Variants in TMEM232 observed in about 807,000 individuals in gnomAD.
The protein encoded by TMEM232 is transmembrane protein 232.
Under a neutral mutation model 78.8 loss-of-function variants are expected in TMEM232, and 80 were observed. The observed-to-expected ratio is 1.01, with a 90% CI of 0.85 to 1.22. TMEM232 has a LOEUF of 1.22. Ranked by LOEUF, TMEM232 falls within the 50% of genes most tolerant of loss-of-function variation. The probability of loss-of-function intolerance (pLI) is 0.00; values close to 1 mark genes in which losing one functional copy is unlikely to be tolerated. For synonymous variants in TMEM232, 297 were observed against 254.3 expected (o/e 1.17, Z -1.60); for missense variants, 881 against 742.2 (o/e 1.19, Z -2.17).
rs959536848 is a variant in TMEM232, at chr5:110,667,587, T to G, written c.-12-223A>C. 2.7e-5 allele frequency: 7 copies of G among 262,824 alleles called. No individual in the cohort carries two copies. The East Asian group carries it at 5.9e-4, about 22-fold the overall frequency. The allele number at this position is 262,824 out of a possible 1,614,324, so 16.3% of individuals were successfully genotyped here. On this transcript the variant is annotated intron_variant, in intron 1 of 13. Coordinates refer to ENST00000455884, the MANE Select transcript of TMEM232 (RefSeq NM_001039763.4). The stretch of plus-strand genomic sequence containing the variant: ...AAGTATATATATCCAGTCTTTATTA[T>G]GCTTTAGCAGTTTTATCAGCAAAAC...
chr5:110,556,503 A>G (rs757627445), intron 11 of TMEM232, among the ~76,000 whole-genome samples: 5 of 151,718 alleles, frequency 3.3e-5, no homozygotes, highest in Non-Finnish European at 5.9e-5. Context: ...TCCTCCCACC[A>G]TAGCCTCCTG....
At chr5:110,716,286 G>A (rs894636213) in intron 1 of TMEM232, among the ~76,000 whole-genome samples, 4 of 152,098 alleles carry the variant, frequency 2.6e-5, no homozygotes, top group Admixed American at 6.6e-5. Flanking sequence ...TCCACAGATG[G>A]GGTGGGAGAA....
In TMEM232 at chr5:110,598,453, C is replaced by G. The variant is rs554130048; in HGVS notation, c.1276+6656G>C. Among the ~76,000 whole-genome samples the G allele has an allele frequency of 1.1e-4, 17 of 152,160 alleles. No individual in the cohort carries two copies. In the East Asian group the frequency reaches 2.9e-3, roughly 26 times the overall value. ...TCAACCATTGTGGAAGTCAGTGTGG[C>G]GATTCCTCAGGGATCTAGAACTAGA... On this transcript the variant is annotated intron_variant, in intron 10 of 13. Transcript: ENST00000455884.
intron 11 of TMEM232, among the ~76,000 whole-genome samples, chr5:110,546,265 A>AGATAATTTAGTTAGGAATG (rs1773768749): frequency 6.6e-6 from 1 of 152,134 alleles, no homozygotes; most frequent in Non-Finnish European, 1.5e-5. Flanking sequence ...TGTAGAGAGT[A>AGATAATTTAGTTAGGAATG]GATAATTTAG....
At chr5:110,539,651 G>C (rs956438843) in intron 11 of TMEM232, among the ~76,000 whole-genome samples, 1 of 152,216 alleles carries the variant, frequency 6.6e-6, no homozygotes, top group Non-Finnish European at 1.5e-5. Context: ...TTGGGCCTTA[G>C]AGAGGGATCT....
chr5:110,637,670 CTAA>C (rs1449773258), intron 5 of TMEM232, among the ~76,000 whole-genome samples: 1 of 151,710 alleles, frequency 6.6e-6, no homozygotes, highest in Admixed American at 6.6e-5. Context: ...ATTTGTTTGA[CTAA>C]TAATATATTT....
chr5:110,510,942 G>C (rs149499537), intron 12 of TMEM232, among the ~76,000 whole-genome samples: 4 of 152,052 alleles, frequency 2.6e-5, no homozygotes, highest in Non-Finnish European at 1.5e-5. Context: ...TCTCATTACT[G>C]GGTATATACG....
At chr5:110,489,052 A>G (rs1385934772) in intron 12 of TMEM232, among the ~76,000 whole-genome samples, 2 of 151,958 alleles carry the variant, frequency 1.3e-5, no homozygotes, top group Admixed American at 1.3e-4. Flanking sequence ...AAGACACCAA[A>G]TGAGTAACAA....
chr5:110,503,572 C>T (rs1013439634), intron 12 of TMEM232, among the ~76,000 whole-genome samples: 1 of 152,070 alleles, frequency 6.6e-6, no homozygotes, highest in Non-Finnish European at 1.5e-5. Flanking sequence ...TCATTATGAA[C>T]CTCACTAACT....
At chr5:110,606,407 T>C in intron 8 of TMEM232, 120 bp from the exon 9 acceptor site, 1 of 1,031,870 alleles carries the variant, frequency 9.7e-7, no homozygotes, top group Non-Finnish European at 1.3e-6. Context: ...ACCAGATACA[T>C]TTATTTTCAA....
intron 12 of TMEM232, among the ~76,000 whole-genome samples, chr5:110,453,095 C>T (rs1760497967): frequency 6.6e-6 from 1 of 152,068 alleles, no homozygotes. Context: ...AAGATAATTG[C>T]TATTCCTTGT....
At chr5:110,505,478 T>A (rs949434476) in intron 12 of TMEM232, among the ~76,000 whole-genome samples, 2 of 152,114 alleles carry the variant, frequency 1.3e-5, no homozygotes, top group Non-Finnish European at 2.9e-5. Flanking sequence ...GTACCCAACA[T>A]GTCCGAAATA....
chr5:110,471,077 T>C (rs1318292534), intron 12 of TMEM232, among the ~76,000 whole-genome samples: 1 of 151,222 alleles, frequency 6.6e-6, no homozygotes, highest in African/African-American at 2.4e-5. Flanking sequence ...AATATTGGAG[T>C]TGAAGAATTC....
At chr5:110,591,879 T>G (rs940125695) in intron 10 of TMEM232, among the ~76,000 whole-genome samples, 2 of 152,156 alleles carry the variant, frequency 1.3e-5, no homozygotes, top group African/African-American at 4.8e-5. Context: ...ATATCACTTT[T>G]CAGAAAGACA....
In TMEM232 at chr5:110,606,308, A is replaced by T. The variant is rs1255024785; in HGVS notation, c.903-21T>A. On this transcript the variant is annotated intron_variant, in intron 8 of 13. Transcript: ENST00000455884. The stretch of plus-strand genomic sequence containing the variant: ...CCAACCTGAAAATTTTATGGACGAA[A>T]GGATAAAGATTTTAATGGAAAATAA... 6 of 1,505,052 alleles carry T rather than the reference A, an allele frequency of 4.0e-6. No homozygotes were observed. In the East Asian group the frequency reaches 1.5e-4, roughly 37 times the overall value. 93.2% of individuals were successfully genotyped at this position (1,505,052 alleles called of 1,614,324 possible).
Position 110,404,681 on chromosome 5 carries a change from G to A in TMEM232, n.309-6827C>T, listed in dbSNP as rs117275336. Among the ~76,000 whole-genome samples the A allele has an allele frequency of 9.8e-4, 149 of 152,158 alleles. 2 individuals carry two copies. The East Asian group carries it at 0.02, about 21-fold the overall frequency. On this transcript the variant is annotated intron_variant and non_coding_transcript_variant, in intron 2 of 8. Transcript: ENST00000507188. ...GTAAAAACAACAAAATTGACAAAAT[G>A]GATAAGTAAACCTTATTTTCTAAGG...
intron 12 of TMEM232, among the ~76,000 whole-genome samples, chr5:110,486,248 T>C (rs893979066): frequency 2.0e-5 from 3 of 152,128 alleles, no homozygotes; most frequent in Admixed American, 1.3e-4. Context: ...ATTGTGAAGA[T>C]TTCCTCCCAC....
At chr5:110,484,982 C>T (rs568443579) in intron 12 of TMEM232, among the ~76,000 whole-genome samples, 1 of 152,072 alleles carries the variant, frequency 6.6e-6, no homozygotes, top group African/African-American at 2.4e-5. Context: ...AATTGAAAAA[C>T]AGTAGATATT....
At chr5:110,673,771 G>A (rs376992969) in intron 1 of TMEM232, among the ~76,000 whole-genome samples, 12 of 152,238 alleles carry the variant, frequency 7.9e-5, no homozygotes, top group East Asian at 7.7e-4. Flanking sequence ...AAAAGCATAC[G>A]CCTATCAGTT....
Sources: gnomAD v4.1 joint callset for allele counts (sites outside exome capture counted in the v4.1 genomes callset) on GRCh38, gnomAD v4.1.1 for gene constraint, MANE v1.5 for transcripts, NCBI Gene and HGNC (gene_info 2026-07-23, HGNC 2026-07-21) for gene names.